PEX14: variants seen among roughly 807,000 people sequenced by gnomAD.
PEX14 encodes peroxisomal membrane protein PEX14.
A neutral mutation model predicts 49.5 loss-of-function variants in PEX14; 15 were observed. That is an observed-to-expected ratio of 0.30 (90% CI 0.20 to 0.47). The LOEUF is 0.47. Among genes scored for constraint, PEX14 ranks in the 20% least tolerant of loss-of-function variants. The pLI is 1.00. For missense variants in PEX14, 398 were observed against 494.8 expected, an observed-to-expected ratio of 0.80 and a Z score of 1.86; for synonymous variants, 210 against 212.7, an observed-to-expected ratio of 0.99 and a Z score of 0.11.
chr1:10,566,845 G>GT (rs890821993), intron 3 of PEX14, among the ~76,000 whole-genome samples: 15 of 151,002 alleles, frequency 9.9e-5, no homozygotes, highest in African/African-American at 2.2e-4. Flanking sequence ...ACCTCAAGTT[G>GT]TTTTTTTTTA....
chr1:10,577,529 C>A (rs1256868974), intron 3 of PEX14, among the ~76,000 whole-genome samples: 1 of 43,010 alleles, frequency 2.3e-5, no homozygotes, highest in Non-Finnish European at 3.7e-5. Context: ...GGACACTATA[C>A]ATATATATAT....
intron 5 of PEX14, among the ~76,000 whole-genome samples, chr1:10,621,103 C>G (rs1286284856): frequency 6.6e-6 from 1 of 150,982 alleles, no homozygotes; most frequent in Non-Finnish European, 1.5e-5. Flanking sequence ...GCTCTCCGCT[C>G]TGTTTTAAAA....
chr1:10,573,558 C>T (rs1171707246), intron 3 of PEX14, among the ~76,000 whole-genome samples: 1 of 152,222 alleles, frequency 6.6e-6, no homozygotes, highest in African/African-American at 2.4e-5. Flanking sequence ...CACCATTATA[C>T]ACACCCATTA....
chr1:10,534,612 C>G (rs923175822), intron 2 of PEX14, among the ~76,000 whole-genome samples: 1 of 152,038 alleles, frequency 6.6e-6, no homozygotes, highest in Non-Finnish European at 1.5e-5. Flanking sequence ...TCTAGAATCT[C>G]GAGCATTCAT....
At chr1:10,475,066 AC>A (rs1641169826) in intron 1 of PEX14, 64 bp downstream of exon 1, 1 of 1,492,206 alleles carries the variant, frequency 6.7e-7, no homozygotes, top group African/African-American at 1.4e-5. Context: ...CGCTCAGCAT[AC>A]GGCTGGGAGC....
chr1:10,484,122 G>A (rs1386691428), intron 1 of PEX14, among the ~76,000 whole-genome samples: 2 of 148,868 alleles, frequency 1.3e-5, no homozygotes, highest in African/African-American at 5.0e-5. Context: ...CCTGCCTCCT[G>A]GGTTCAAGAG....
intron 2 of PEX14, among the ~76,000 whole-genome samples, chr1:10,502,530 C>G (rs1433738264): frequency 6.6e-6 from 1 of 152,126 alleles, no homozygotes; most frequent in Non-Finnish European, 1.5e-5. Flanking sequence ...TGCCCTTTTA[C>G]AAATAATTAT....
chr1:10,618,408 G>C lies in PEX14; in HGVS notation c.375G>C (p.Gln125His), dbSNP rs184807866. The C allele has an allele frequency of 6.2e-7, 1 of 1,612,478 alleles. No individual in the cohort carries two copies. Among genetic ancestry groups the C allele is most frequent in the African/African-American group, 1.3e-5 (1 of 75,052 alleles). ...IMAGIAFGFH[Q>H]LYKKYLLPLI... ...CAGGCATTGCATTTGGCTTTCACCA[G>C]CTCTACAAGGTGAGTCACCCCCAGC... The change falls in exon 5 of 9, where the codon CAG becomes CAC. Residue 125 changes from glutamine to histidine, a missense_variant. Physicochemically the swap from Gln to His is conservative, Grantham distance 24. Around this residue, in one of 3 missense-constraint regions of PEX14, gnomAD observed 202 missense variants for 298.5 expected, o/e 0.68. Transcript: ENST00000356607.
Position 10,629,886 on chromosome 1 carries a change from G to A in PEX14, c.1033G>A (p.Val345Met), listed in dbSNP as rs1402699992. The A allele has an allele frequency of 3.1e-6, 5 of 1,612,980 alleles. No individual in the cohort carries two copies. Among genetic ancestry groups the A allele is most frequent in the Non-Finnish European group, 4.2e-6 (5 of 1,179,454 alleles). The part of the protein sequence containing the change: ...SHVDEEDCLG[V>M]QREDRRGGDG... ...TGTGGACGAGGAGGACTGCCTGGGGGTGCAGAGGGAGGACCGCCGGGGCGG... is the reference window on the plus strand; with the variant it reads ...TGTGGACGAGGAGGACTGCCTGGGGATGCAGAGGGAGGACCGCCGGGGCGG... Residue 345 changes from valine to methionine, a missense_variant, in exon 9 of 9, where the codon GTG (valine) becomes ATG (methionine). This residue lies in a region of PEX14 where 140 missense variants were observed against 155.5 expected (regional missense o/e 0.90). Transcript: ENST00000356607. This position sits in a 1 kb window ranked among gnomAD's most constrained non-coding sequence, Gnocchi z 8.5.
intron 2 of PEX14, among the ~76,000 whole-genome samples, chr1:10,515,299 C>T (rs758190621): frequency 3.3e-5 from 5 of 151,706 alleles, no homozygotes; most frequent in Non-Finnish European, 4.4e-5. Context: ...CAGTCATGGA[C>T]ATTCAAACTC....
intron 2 of PEX14, among the ~76,000 whole-genome samples, chr1:10,533,070 G>A (rs1638695655): frequency 1.3e-5 from 2 of 152,194 alleles, no homozygotes. Flanking sequence ...TGCGGGGAGG[G>A]AGGGAGAAGA....
In PEX14 at chr1:10,482,526, C is replaced by T. The variant is rs1346565362; in HGVS notation, c.36+7524C>T. Among the ~76,000 whole-genome samples, 8 of 151,720 alleles carry T rather than the reference C, an allele frequency of 5.3e-5. No homozygotes were observed. The East Asian group carries it at 9.7e-4, about 18-fold the overall frequency. On this transcript the variant is annotated intron_variant, in intron 1 of 8. Coordinates refer to ENST00000356607, the MANE Select transcript of PEX14 (RefSeq NM_004565.3). ...TCAGCTCACTGCAACCTCCGTCTCC[C>T]GGGTTCAGGTGATTCTTCTGCCTCA... is the stretch of plus-strand genomic sequence containing the variant.
intron 3 of PEX14, among the ~76,000 whole-genome samples, chr1:10,551,448 G>A (rs1170324810): frequency 6.6e-6 from 1 of 152,146 alleles, no homozygotes. Context: ...TACACAGCGC[G>A]CTGGAGGCTG....
intron 3 of PEX14, among the ~76,000 whole-genome samples, chr1:10,552,835 A>G (rs944768097): frequency 1.1e-4 from 16 of 152,194 alleles, no homozygotes; most frequent in Non-Finnish European, 1.5e-5. Context: ...GCCTCCATTC[A>G]TGGAGGAGGT....
chr1:10,505,238 G>GGCAAGAGCCTCA (rs1641761056), intron 2 of PEX14, among the ~76,000 whole-genome samples: 1 of 152,186 alleles, frequency 6.6e-6, no homozygotes, highest in Non-Finnish European at 1.5e-5. Context: ...GCGAGGCTGA[G>GGCAAGAGCCTCA]GCAAGAGAAT....
At chr1:10,626,696 A>T (rs1395694694) in intron 7 of PEX14, among the ~76,000 whole-genome samples, 1 of 152,272 alleles carries the variant, frequency 6.6e-6, no homozygotes, top group African/African-American at 2.4e-5. Context: ...GGTAGACCTC[A>T]CACGGAGGCC....
chr1:10,508,702 G>A (rs952552441), intron 2 of PEX14, among the ~76,000 whole-genome samples: 11 of 152,226 alleles, frequency 7.2e-5, no homozygotes, highest in Non-Finnish European at 1.5e-4. Context: ...GATGGTTGCA[G>A]TCCACACGGG....
At chr1:10,518,012 C>G (rs1398853807) in intron 2 of PEX14, among the ~76,000 whole-genome samples, 2 of 152,034 alleles carry the variant, frequency 1.3e-5, no homozygotes, top group Non-Finnish European at 2.9e-5. Flanking sequence ...CGTTACTTTT[C>G]CATGTGAACC....
chr1:10,576,209 T>C (rs1640111619), intron 3 of PEX14, among the ~76,000 whole-genome samples: 1 of 152,180 alleles, frequency 6.6e-6, no homozygotes, highest in Non-Finnish European at 1.5e-5. Flanking sequence ...GTGATTATTT[T>C]CACATAATCA....
Sources: allele counts gnomAD v4.1 joint callset (sites outside exome capture counted in the v4.1 genomes callset), GRCh38; gene constraint gnomAD v4.1.1; regional missense constraint gnomAD v4.1.1; non-coding constraint Gnocchi (gnomAD v3.1); transcripts MANE v1.5; gene names NCBI Gene and HGNC (gene_info 2026-07-23, HGNC 2026-07-21).